Variants in SP5 observed in about 807,000 individuals in gnomAD.
The protein encoded by SP5 is transcription factor Sp5.
SP5 carries 12 observed loss-of-function variants against 27.4 expected under a neutral mutation model. That is an observed-to-expected ratio of 0.44 (90% CI 0.28 to 0.71). SP5 has a LOEUF of 0.71. Among genes scored for constraint, SP5 ranks in the 30% least tolerant of loss-of-function variants. SP5 has a pLI of 0.15. For synonymous variants in SP5, 330 were observed against 290.7 expected, an observed-to-expected ratio of 1.14 and a Z score of -1.38; for missense variants, 660 against 589.8, an observed-to-expected ratio of 1.12 and a Z score of -1.23.
intron 1 of SP5, 138 bp from the exon 2 acceptor site, chr2:170,716,121 C>A (rs1700059959): frequency 4.8e-6 from 5 of 1,047,764 alleles, no homozygotes; most frequent in Non-Finnish European, 6.5e-6. Flanking sequence ...GCGTGGGGTG[C>A]GGTGGCGGGG....
chr2:170,715,569 G>A lies in SP5; in HGVS notation c.51+6G>A, dbSNP rs754917747. On this transcript the variant is annotated splice_donor_region_variant and intron_variant, in intron 1 of 1. Coordinates refer to ENST00000375281, the MANE Select transcript of SP5 (RefSeq NM_001003845.3). ...CGCTGCAGGCCTTTCTCCAGGTCAG[G>A]GCCGAGCCCGGAGGGGGCGGGAGAA... The A allele has an allele frequency of 5.8e-6, 9 of 1,554,330 alleles. No homozygotes were observed. The Admixed American group carries it at 7.8e-5, about 13-fold the overall frequency.
intron 1 of SP5, chr2:170,715,899 C>A (rs1007528918): frequency 3.8e-6 from 5 of 1,328,986 alleles, no homozygotes; most frequent in East Asian, 3.2e-5. Flanking sequence ...GGAGGGAGAG[C>A]GGCCGGCCGG....
intron 1 of SP5, 159 bp downstream of exon 1, chr2:170,715,722 G>C (rs943680615): frequency 1.0e-6 from 1 of 985,346 alleles, no homozygotes; most frequent in African/African-American, 1.7e-5. Flanking sequence ...CACCTAATCC[G>C]GTGTGGCCTT....
chr2:170,715,458 C>A lies in SP5; in HGVS notation c.-55C>A, dbSNP rs1314003325. 4 of 1,541,884 alleles carry A rather than the reference C, an allele frequency of 2.6e-6. No individual in the cohort carries two copies. The highest frequency in any genetic ancestry group is 3.5e-6 in the Non-Finnish European group (4 of 1,143,814). ...GCCCTTCGTCCTCGCCTTCGGGTGT[C>A]CATGCCTCGGCGGCGGCGTCCCGCT... On this transcript the variant is annotated 5_prime_UTR_variant, in exon 1 of 2. Coordinates refer to ENST00000375281, the MANE Select transcript of SP5 (RefSeq NM_001003845.3).
intron 1 of SP5, chr2:170,715,766 G>C (rs1471561739): frequency 1.0e-6 from 1 of 985,348 alleles, no homozygotes; most frequent in Non-Finnish European, 1.2e-6. Context: ...GGATTGTTCG[G>C]AGGTGCCCGG....
chr2:170,716,799 G>C lies in SP5; in HGVS notation c.592G>C (p.Gly198Arg), dbSNP rs895326913. The change falls in exon 2 of 2, where the codon GGG becomes CGG. Residue 198 changes from glycine (G) to arginine (R), a missense_variant. Coordinates refer to ENST00000375281, the MANE Select transcript of SP5 (RefSeq NM_001003845.3). The part of the protein sequence containing the change: ...PWWSIPQAGA[G>R]PGASGVPGSG... Reference sequence around the variant, plus strand: ...GTGGAGCATCCCGCAGGCGGGCGCCGGGCCGGGGGCCTCCGGGGTTCCGGG... The same window carrying C: ...GTGGAGCATCCCGCAGGCGGGCGCCCGGCCGGGGGCCTCCGGGGTTCCGGG... 4.7e-5 allele frequency: 66 copies of C among 1,391,160 alleles called. No homozygotes were observed. The African/African-American group carries it at 8.8e-4, about 19-fold the overall frequency. 86.2% of individuals were successfully genotyped at this position (1,391,160 alleles called of 1,614,324 possible). A position where few individuals can be genotyped will look rare whatever the true frequency, so the allele number is the denominator to read the frequency against.
At chr2:170,716,179 G>A (rs1269968441) in intron 1 of SP5, 80 bp from the exon 2 acceptor site, 3 of 1,494,514 alleles carry the variant, frequency 2.0e-6, no homozygotes, top group African/African-American at 1.4e-5. Context: ...TAGCGGGCGT[G>A]GGGGCGGCGG....
Position 170,717,163 on chromosome 2 carries a change from G to C in SP5, c.956G>C (p.Trp319Ser), listed in dbSNP as rs923381606. The change falls in exon 2 of 2, where the codon TGG becomes TCG. Residue 319 changes from tryptophan (W) to serine (S), a missense_variant. Transcript: ENST00000375281. ...KTSHLKAHLR[W>S]HTGERPFVCN... Reference sequence around the variant, plus strand: ...TCGCACCTGAAGGCGCACCTGCGCTGGCACACGGGCGAGCGACCCTTCGTG... The same window carrying C: ...TCGCACCTGAAGGCGCACCTGCGCTCGCACACGGGCGAGCGACCCTTCGTG... 2 of 1,606,516 alleles carry C rather than the reference G, an allele frequency of 1.2e-6. No individual in the cohort carries two copies. Among genetic ancestry groups the C allele is most frequent in the African/African-American group, 1.3e-5 (1 of 74,950 alleles).
Position 170,716,465 on chromosome 2 carries a change from GC to G in SP5, c.263del (p.Pro88ArgfsTer7). ...MPAHSPGALPPPHPSLGLTPQ... is the reference protein window; with the variant it reads ...MPAHSPGALPXPHPSLGLTPQ... Reference sequence around the variant, plus strand: ...CGGCGCACTCGCCAGGCGCACTGCCGCCCCCGCATCCCAGCTTGGGGCTGAC... The same window carrying G: ...CGGCGCACTCGCCAGGCGCACTGCCGCCCCGCATCCCAGCTTGGGGCTGAC... On this transcript the variant is annotated frameshift_variant, in exon 2 of 2. Transcript: ENST00000375281. LOFTEE classifies it high-confidence loss of function. 1 of 1,606,956 alleles carries G rather than the reference GC, an allele frequency of 6.2e-7. No individual in the cohort carries two copies.
Position 170,716,729 on chromosome 2 carries a change from C to G in SP5, c.522C>G (p.Thr174=), listed in dbSNP as rs1471874690. The change falls in exon 2 of 2, where the codon ACC becomes ACG. Residue 174 remains threonine (T), a synonymous_variant. Transcript: ENST00000375281. ...PPPPPPPPPP[T]CRQLSPNPAP... ...CGCCGCCACCGCCCCCGCCGCCCAC[C>G]TGCCGCCAGTTGTCACCCAACCCGG... 2 of 1,488,104 alleles carry G rather than the reference C, an allele frequency of 1.3e-6. No homozygotes were observed. The highest frequency in any genetic ancestry group is 1.8e-6 in the Non-Finnish European group (2 of 1,126,886). The allele number at this position is 1,488,104 out of a possible 1,614,324, so 92.2% of individuals were successfully genotyped here. A position where few individuals can be genotyped will look rare whatever the true frequency, so the allele number is the denominator to read the frequency against.
chr2:170,716,412 C>A lies in SP5; in HGVS notation c.205C>A (p.Leu69Ile), dbSNP rs761813037. The change falls in exon 2 of 2, where the codon CTC (leucine) becomes ATC (isoleucine). Residue 69 changes from leucine (L) to isoleucine (I), a missense_variant. Leu to Ile is a conservative substitution (Grantham distance 5). Coordinates refer to ENST00000375281, the MANE Select transcript of SP5 (RefSeq NM_001003845.3). ...YDPALGSPSRLFHPWTADMPA... is the reference protein window; with the variant it reads ...YDPALGSPSRIFHPWTADMPA... ...CCCCGCGCTGGGCTCACCCTCCAGGCTCTTCCACCCGTGGACCGCCGACAT... is the reference window on the plus strand; with the variant it reads ...CCCCGCGCTGGGCTCACCCTCCAGGATCTTCCACCCGTGGACCGCCGACAT... 2 of 1,600,224 alleles carry A rather than the reference C, an allele frequency of 1.2e-6. No individual in the cohort carries two copies. Among genetic ancestry groups the A allele is most frequent in the South Asian group, 1.1e-5 (1 of 90,878 alleles).
Position 170,716,572 on chromosome 2 carries a change from C to G in SP5, c.365C>G (p.Pro122Arg). 1 of 1,610,590 alleles carries G rather than the reference C, an allele frequency of 6.2e-7. No homozygotes were observed. Among genetic ancestry groups the G allele is most frequent in the South Asian group, 1.1e-5 (1 of 90,922 alleles). Reference sequence around the variant, plus strand: ...ACACCCCCCGCCGACCCCTCGTACCCCTACGAGTTCTCGCCGGTCAAGATG... The same window carrying G: ...ACACCCCCCGCCGACCCCTCGTACCGCTACGAGTTCTCGCCGGTCAAGATG... ...PLTPPADPSY[P>R]YEFSPVKMLP... Residue 122 changes from proline to arginine, a missense_variant, in exon 2 of 2, where the codon CCC becomes CGC. Transcript: ENST00000375281.
rs1700087846 is a variant in SP5 at position 170,717,092 on chromosome 2, G to C, written c.885G>C (p.Gln295His). ...APEAEPGKKK[Q>H]HVCHVPGCGK... ...AGGCGGAGCCGGGGAAGAAGAAGCAGCACGTGTGCCACGTGCCGGGCTGCG... is the reference window on the plus strand; with the variant it reads ...AGGCGGAGCCGGGGAAGAAGAAGCACCACGTGTGCCACGTGCCGGGCTGCG... The change falls in exon 2 of 2, where the codon CAG (glutamine) becomes CAC (histidine). Residue 295 changes from glutamine (Q) to histidine (H), a missense_variant. Physicochemically the swap from Gln to His is conservative, Grantham distance 24. Coordinates refer to ENST00000375281, the MANE Select transcript of SP5 (RefSeq NM_001003845.3). The C allele has an allele frequency of 1.9e-6, 3 of 1,574,298 alleles. No homozygotes were observed. Among genetic ancestry groups the C allele is most frequent in the Non-Finnish European group, 2.6e-6 (3 of 1,161,268 alleles).
Position 170,716,541 on chromosome 2 carries a change from C to G in SP5, c.334C>G (p.Pro112Ala). The G allele has an allele frequency of 6.2e-7, 1 of 1,611,090 alleles. No individual in the cohort carries two copies. Among genetic ancestry groups the G allele is most frequent in the Non-Finnish European group, 8.5e-7 (1 of 1,179,218 alleles). Residue 112 changes from proline (P) to alanine (A), a missense_variant, in exon 2 of 2, where the codon CCC becomes GCC. Coordinates refer to ENST00000375281, the MANE Select transcript of SP5 (RefSeq NM_001003845.3). ...QPSFGAAHELPLTPPADPSYP... is the reference protein window; with the variant it reads ...QPSFGAAHELALTPPADPSYP... ...GTCCTTCGGGGCTGCGCACGAGCTT[C>G]CCCTTACACCCCCCGCCGACCCCTC...
rs1249298633 is a variant in SP5 at position 170,716,584 on chromosome 2, C to T, written c.377C>T (p.Ser126Leu). 2.5e-6 allele frequency: 4 copies of T among 1,610,280 alleles called. No homozygotes were observed. The highest frequency in any genetic ancestry group is 3.4e-6 in the Non-Finnish European group (4 of 1,178,844). Residue 126 changes from serine to leucine, a missense_variant, in exon 2 of 2, where the codon TCG becomes TTG. Coordinates refer to ENST00000375281, the MANE Select transcript of SP5 (RefSeq NM_001003845.3). Reference sequence around the variant, plus strand: ...GACCCCTCGTACCCCTACGAGTTCTCGCCGGTCAAGATGCTGCCCTCGAGC... The same window carrying T: ...GACCCCTCGTACCCCTACGAGTTCTTGCCGGTCAAGATGCTGCCCTCGAGC... ...PADPSYPYEF[S>L]PVKMLPSSMA...
Position 170,716,659 on chromosome 2 carries a change from C to G in SP5, c.452C>G (p.Ala151Gly). 6 of 1,600,352 alleles carry G rather than the reference C, an allele frequency of 3.7e-6. No individual in the cohort carries two copies. The South Asian group carries it at 6.7e-5, about 18-fold the overall frequency. The change falls in exon 2 of 2, where the codon GCG becomes GGG. Residue 151 changes from alanine to glycine, a missense_variant. Ala to Gly is a moderately conservative substitution (Grantham distance 60, BLOSUM62 0). Transcript: ENST00000375281. ...GCGCCCGCCTACGTGCCCTACGCGGCGCAGGCCGCGCTGCCGCCAGGCTAC... is the reference window on the plus strand; with the variant it reads ...GCGCCCGCCTACGTGCCCTACGCGGGGCAGGCCGCGCTGCCGCCAGGCTAC... ...SCAPAYVPYA[A>G]QAALPPGYSN...
intron 1 of SP5, 191 bp downstream of exon 1, chr2:170,715,754 C>A (rs1700049281): frequency 1.0e-6 from 1 of 985,316 alleles, no homozygotes; most frequent in South Asian, 4.7e-5. Flanking sequence ...CGCGTGGATC[C>A]GGGATTGTTC....
chr2:170,716,692 T>TGCTGCC lies in SP5; in HGVS notation c.486_491dup (p.Leu163_Pro164dup), dbSNP rs771792501. ...GCGCTGCCGCCAGGCTACTCCAACC[T>TGCTGCC]GCTGCCTCCGCCGCCGCCACCGCCC... On this transcript the variant is annotated inframe_insertion, in exon 2 of 2. Coordinates refer to ENST00000375281, the MANE Select transcript of SP5 (RefSeq NM_001003845.3). 2.6e-6 allele frequency: 4 copies of TGCTGCC among 1,546,118 alleles called. No individual in the cohort carries two copies. The highest frequency in any genetic ancestry group is 3.5e-6 in the Non-Finnish European group (4 of 1,155,582).
rs1308666355 is a variant in SP5, at chr2:170,717,989, GC to G, written c.*587del. ...GGTCACTACAGGAAGACCCCGTTGA[GC>G]CGGTCTCATTTGATCTTTTCTTCTT... On this transcript the variant is annotated 3_prime_UTR_variant, in exon 2 of 2. Transcript: ENST00000375281. 2.0e-5 allele frequency: 3 copies of G among 152,404 alleles called. No individual in the cohort carries two copies. Among genetic ancestry groups the G allele is most frequent in the African/African-American group, 7.2e-5 (3 of 41,424 alleles). 9.4% of individuals were successfully genotyped at this position (152,404 alleles called of 1,614,324 possible). A position where few individuals can be genotyped will look rare whatever the true frequency, so the allele number is the denominator to read the frequency against.
Sources: gnomAD v4.1 joint callset for allele counts on GRCh38, gnomAD v4.1.1 for gene constraint, MANE v1.5 for transcripts, NCBI Gene and HGNC (gene_info 2026-07-23, HGNC 2026-07-21) for gene names.